OGDH: variants seen among roughly 807,000 people sequenced by gnomAD.
OGDH encodes the protein 2-oxoglutarate dehydrogenase complex component E1.
OGDH carries 38 observed loss-of-function variants against 116.6 expected under a neutral mutation model. The observed-to-expected ratio is 0.33, with a 90% CI of 0.25 to 0.43. The LOEUF is 0.43. Ranked by LOEUF, OGDH falls within the 20% of genes least tolerant of loss-of-function variation. OGDH has a pLI of 1.00. For synonymous variants in OGDH, 488 were observed against 533.3 expected, an observed-to-expected ratio of 0.92 and a Z score of 1.17; for missense variants, 825 against 1,357.2, an observed-to-expected ratio of 0.61 and a Z score of 6.16.
Position 44,707,501 on chromosome 7 carries a change from T to G in OGDH, c.2797-81T>G. On this transcript the variant is annotated intron_variant, in intron 21 of 22. Coordinates refer to ENST00000222673, the MANE Select transcript of OGDH (RefSeq NM_002541.4). The surrounding 1 kb of genome is among the most constrained non-coding windows in gnomAD (Gnocchi z 5.2). ...CCCTCAGGTTCCTGACCTTCCCTGC[T>G]CGGAACACCAGTTTCCCTTTGCTGG... 1 of 1,597,720 alleles carries G rather than the reference T, an allele frequency of 6.3e-7. No individual in the cohort carries two copies. Among genetic ancestry groups the G allele is most frequent in the African/African-American group, 1.3e-5 (1 of 74,682 alleles).
intron 4 of OGDH, among the ~76,000 whole-genome samples, chr7:44,650,569 C>T (rs1342105805): frequency 6.6e-6 from 1 of 152,142 alleles, no homozygotes; most frequent in East Asian, 1.9e-4. Context: ...GAGTAGCTGC[C>T]AAACTCTCTG....
In OGDH at chr7:44,697,825, G is replaced by T. The variant is rs1317568730; in HGVS notation, c.2358+43G>T. 3 of 1,589,872 alleles carry T rather than the reference G, an allele frequency of 1.9e-6. No homozygotes were observed. Among genetic ancestry groups the T allele is most frequent in the South Asian group, 2.3e-5 (2 of 87,486 alleles). ...CCCTGCCAGACCTAGGACTTGGGAA[G>T]GGCCTGTGTAGGACCCTGACCCCAA... is the stretch of plus-strand genomic sequence containing the variant. On this transcript the variant is annotated intron_variant, in intron 17 of 22. Coordinates refer to ENST00000222673, the MANE Select transcript of OGDH (RefSeq NM_002541.4). The surrounding 1 kb of genome is among the most constrained non-coding windows in gnomAD (Gnocchi z 6.0).
chr7:44,648,346 A>G (rs1786282704), intron 4 of OGDH, among the ~76,000 whole-genome samples: 2 of 152,168 alleles, frequency 1.3e-5, no homozygotes, highest in South Asian at 4.1e-4. Flanking sequence ...TATGGAGCAC[A>G]CTGGGGTTTT....
chr7:44,673,061 G>C (rs1283309429), intron 5 of OGDH, among the ~76,000 whole-genome samples: 2 of 152,116 alleles, frequency 1.3e-5, no homozygotes, highest in African/African-American at 4.8e-5. Flanking sequence ...GCTGTGCAGT[G>C]TGAACGTGGT....
chr7:44,607,946 C>G (rs1784417214), intron 1 of OGDH, among the ~76,000 whole-genome samples: 1 of 152,166 alleles, frequency 6.6e-6, no homozygotes, highest in South Asian at 2.1e-4. Flanking sequence ...AGGTGATCCG[C>G]CCGCCTCGGC....
In OGDH at chr7:44,666,798, A is replaced by C; in HGVS notation, c.580A>C (p.Ile194Leu). 6.2e-7 allele frequency: 1 copy of C among 1,613,220 alleles called. No homozygotes were observed. Among genetic ancestry groups the C allele is most frequent in the Non-Finnish European group, 8.5e-7 (1 of 1,179,616 alleles). The change falls in exon 5 of 23, where the codon ATC becomes CTC. Residue 194 changes from isoleucine (I) to leucine (L), a missense_variant. Transcript: ENST00000222673. Reference sequence around the variant, plus strand: ...CTTCCACTTGCCCACCACCACTTTCATCGGGGGACAGGAATCAGCACTTCC... The same window carrying C: ...CTTCCACTTGCCCACCACCACTTTCCTCGGGGGACAGGAATCAGCACTTCC... Reference protein sequence around the residue: ...KVFHLPTTTFIGGQESALPLR... With the variant: ...KVFHLPTTTFLGGQESALPLR...
At chr7:44,606,867 CG>C (rs899337500) in intron 1 of OGDH, among the ~76,000 whole-genome samples, 7 of 152,060 alleles carry the variant, frequency 4.6e-5, no homozygotes, top group African/African-American at 1.7e-4. Context: ...AATGGAGCCG[CG>C]GGGCCTGCCC....
chr7:44,706,703 C>T (rs919697398), intron 20 of OGDH, among the ~76,000 whole-genome samples: 6 of 149,216 alleles, frequency 4.0e-5, no homozygotes, highest in African/African-American at 1.5e-4. Context: ...TCACTGCAAC[C>T]TCTGCCTCCC....
At chr7:44,641,048 C>G (rs182803922) in intron 2 of OGDH, among the ~76,000 whole-genome samples, 113 of 150,270 alleles carry the variant, frequency 7.5e-4, no homozygotes, top group Middle Eastern at 6.8e-3. Flanking sequence ...CACACACCAC[C>G]ACCCCCAGCT....
chr7:44,668,744 T>G (rs1203425716), intron 5 of OGDH, among the ~76,000 whole-genome samples: 2 of 152,218 alleles, frequency 1.3e-5, no homozygotes, highest in African/African-American at 4.8e-5. Context: ...TTCTGCCTAC[T>G]AGCCACATGT....
At chr7:44,662,424 C>T (rs1399557517) in intron 4 of OGDH, among the ~76,000 whole-genome samples, 2 of 151,276 alleles carry the variant, frequency 1.3e-5, no homozygotes, top group Non-Finnish European at 2.9e-5. Flanking sequence ...CTTTCAGGTC[C>T]TGAAAAGTGT....
chr7:44,674,679 C>A, intron 7 of OGDH, 122 bp downstream of exon 7: 2 of 1,058,356 alleles, frequency 1.9e-6, no homozygotes, highest in Non-Finnish European at 2.8e-6. Context: ...TGAGTCTGGG[C>A]TCATCTGGTA....
At chr7:44,627,218 A>C (rs1316360983) in intron 2 of OGDH, among the ~76,000 whole-genome samples, 6 of 152,166 alleles carry the variant, frequency 3.9e-5, no homozygotes, top group Admixed American at 6.5e-5. Context: ...GCTGGTCTTG[A>C]ACTCCTGGCC....
intron 4 of OGDH, among the ~76,000 whole-genome samples, chr7:44,657,784 A>T (rs1274448376): frequency 6.6e-6 from 1 of 152,228 alleles, no homozygotes; most frequent in Non-Finnish European, 1.5e-5. Context: ...TAAATCTATC[A>T]TCCATTTTGT....
At position 44,696,416 on chromosome 7, in the gene OGDH, C is replaced by G. The variant is rs752787631; in HGVS notation, c.1772-13C>G. ...GAGCAGATGTCATGCCTCAGTTGTT[C>G]TTCTTCTCCTAGGCTTCTTCACCCT... is the stretch of plus-strand genomic sequence containing the variant. On this transcript the variant is annotated splice_polypyrimidine_tract_variant and intron_variant, in intron 13 of 22. Transcript: ENST00000222673. 21 of 1,608,260 alleles carry G rather than the reference C, an allele frequency of 1.3e-5. No individual in the cohort carries two copies. The Admixed American group carries it at 1.7e-4, about 13-fold the overall frequency.
At chr7:44,676,585 T>C (rs1034791832) in intron 9 of OGDH, 2 of 200,252 alleles carry the variant, frequency 1.0e-5, no homozygotes, top group African/African-American at 6.5e-5. Flanking sequence ...ATAAAAAATA[T>C]ATGTATATGT....
intron 4 of OGDH, among the ~76,000 whole-genome samples, chr7:44,654,014 C>G (rs945478675): frequency 1.3e-5 from 2 of 152,042 alleles, no homozygotes; most frequent in African/African-American, 4.8e-5. Flanking sequence ...GCCACTATGC[C>G]TGGTTAATTT....
At chr7:44,680,596 G>A (rs369937428) in intron 9 of OGDH, among the ~76,000 whole-genome samples, 6 of 151,810 alleles carry the variant, frequency 4.0e-5, no homozygotes, top group Admixed American at 1.3e-4. Flanking sequence ...GTATATGTGC[G>A]CCTGCATATG....
chr7:44,673,817 T>C lies in OGDH; in HGVS notation c.664T>C (p.Phe222Leu). 1 of 1,614,072 alleles carries C rather than the reference T, an allele frequency of 6.2e-7. No homozygotes were observed. The highest frequency in any genetic ancestry group is 1.1e-5 in the South Asian group (1 of 91,068). Reference sequence around the variant, plus strand: ...CTACTGCCAGCATATTGGGGTGGAGTTCATGTTCATCAATGACCTGGAGCA... The same window carrying C: ...CTACTGCCAGCATATTGGGGTGGAGCTCATGTTCATCAATGACCTGGAGCA... ...MAYCQHIGVE[F>L]MFINDLEQCQ... Residue 222 changes from phenylalanine (F) to leucine (L), a missense_variant, in exon 6 of 23, where the codon TTC (phenylalanine) becomes CTC (leucine). Around this residue, in one of 7 missense-constraint regions of OGDH, gnomAD observed 171 missense variants for 276.8 expected, o/e 0.62. Coordinates refer to ENST00000222673, the MANE Select transcript of OGDH (RefSeq NM_002541.4).
Sources: allele counts gnomAD v4.1 joint callset (sites outside exome capture counted in the v4.1 genomes callset), GRCh38; gene constraint gnomAD v4.1.1; regional missense constraint gnomAD v4.1.1; non-coding constraint Gnocchi (gnomAD v3.1); transcripts MANE v1.5; gene names NCBI Gene and HGNC (gene_info 2026-07-23, HGNC 2026-07-21).